Variants in ATP2A2 observed in about 807,000 individuals in gnomAD.
The protein encoded by ATP2A2 is sarcoplasmic/endoplasmic reticulum calcium ATPase 2.
In ATP2A2, 14 loss-of-function variants were observed where a neutral mutation model predicts 109.3. That is an observed-to-expected ratio of 0.13 (90% CI 0.08 to 0.20). ATP2A2 has a LOEUF of 0.20. Among genes scored for constraint, ATP2A2 ranks in the 10% least tolerant of loss-of-function variants. The pLI is 1.00. For synonymous variants in ATP2A2, 506 were observed against 490.9 expected (o/e 1.03, Z -0.41); for missense variants, 657 against 1,321.6 (o/e 0.50, Z 7.80).
chr12:110,344,829 C>T (rs1879687623), intron 16 of ATP2A2, 57 bp from the exon 17 acceptor site: 18 of 1,541,470 alleles, frequency 1.2e-5, no homozygotes, highest in Non-Finnish European at 1.6e-5. Context: ...TGCATGGCCT[C>T]GGTGGCAGCG....
chr12:110,297,554 A>G (rs1592804858), intron 5 of ATP2A2, among the ~76,000 whole-genome samples: 1 of 152,186 alleles, frequency 6.6e-6, no homozygotes, highest in Non-Finnish European at 1.5e-5. Context: ...TGAGTCCAGA[A>G]TGCTCCACAG....
chr12:110,335,192 T>C (rs533711046), intron 11 of ATP2A2, among the ~76,000 whole-genome samples: 4 of 152,316 alleles, frequency 2.6e-5, no homozygotes, highest in South Asian at 2.1e-4. Flanking sequence ...ACCACCATAC[T>C]GGACCTGTCC....
chr12:110,295,574 T>G (rs1873880151), intron 4 of ATP2A2, among the ~76,000 whole-genome samples: 1 of 152,216 alleles, frequency 6.6e-6, no homozygotes, highest in African/African-American at 2.4e-5. Flanking sequence ...ATGTCTGATA[T>G]GAGATTGAAA....
At chr12:110,309,462 A>T (rs1437313198) in intron 5 of ATP2A2, among the ~76,000 whole-genome samples, 1 of 152,036 alleles carries the variant, frequency 6.6e-6, no homozygotes, top group African/African-American at 2.4e-5. Flanking sequence ...CCAGCCAGGA[A>T]ACTAAATTTT....
At position 110,348,575 on chromosome 12, in the gene ATP2A2, C is replaced by T; in HGVS notation, c.*2105C>T. ...GAACCTGGAGACCGACTCTTAAAAG[C>T]ACAGTCCGTGGTTGGGTGTGGTGGC... On this transcript the variant is annotated 3_prime_UTR_variant, in exon 20 of 20. Coordinates refer to ENST00000539276, the MANE Select transcript of ATP2A2 (RefSeq NM_170665.4). The T allele has an allele frequency of 1.0e-6, 1 of 985,478 alleles. No individual in the cohort carries two copies. Among genetic ancestry groups the T allele is most frequent in the Non-Finnish European group, 1.2e-6 (1 of 830,046 alleles). The allele number at this position is 985,478 out of a possible 1,614,324, so 61.0% of individuals were successfully genotyped here. A position where few individuals can be genotyped will look rare whatever the true frequency, so the allele number is the denominator to read the frequency against.
Position 110,344,917 on chromosome 12 carries a change from T to C in ATP2A2, c.2553T>C (p.Ala851=). ...CYVGAATVGA[A]AWWFIAADGG... ...TCGGCGCTGCTACCGTGGGTGCTGC[T>C]GCATGGTGGTTCATTGCTGCTGACG... The change falls in exon 17 of 20, where the codon GCT becomes GCC. Residue 851 remains alanine, a synonymous_variant. Coordinates refer to ENST00000539276, the MANE Select transcript of ATP2A2 (RefSeq NM_170665.4). 1 of 1,614,232 alleles carries C rather than the reference T, an allele frequency of 6.2e-7. No homozygotes were observed. Among genetic ancestry groups the C allele is most frequent in the Admixed American group, 1.7e-5 (1 of 60,028 alleles).
intron 5 of ATP2A2, among the ~76,000 whole-genome samples, chr12:110,301,879 T>A (rs894987125): frequency 1.3e-5 from 2 of 152,196 alleles, no homozygotes; most frequent in African/African-American, 4.8e-5. Flanking sequence ...AGTCACCTTT[T>A]TTTGGAAGGT....
intron 6 of ATP2A2, among the ~76,000 whole-genome samples, chr12:110,324,057 C>T (rs2137806090): frequency 6.6e-6 from 1 of 152,230 alleles, no homozygotes; most frequent in African/African-American, 2.4e-5. Context: ...AACATTTTCC[C>T]GTTTTTGTGT....
chr12:110,293,870 ATTTTTTT>A (rs398021049), intron 4 of ATP2A2, among the ~76,000 whole-genome samples: 25 of 73,310 alleles, frequency 3.4e-4, no homozygotes, highest in Admixed American at 2.9e-3. Flanking sequence ...GTGTGTATAT[ATTTTTTT>A]TTTTTTTTTT....
At chr12:110,321,196 C>A (rs1418893624) in intron 5 of ATP2A2, among the ~76,000 whole-genome samples, 1 of 152,080 alleles carries the variant, frequency 6.6e-6, no homozygotes, top group Non-Finnish European at 1.5e-5. Flanking sequence ...CCACTGCACT[C>A]CAGTCTGGGT....
chr12:110,340,896 G>T lies in ATP2A2; in HGVS notation c.1999G>T (p.Asp667Tyr), dbSNP rs779445588. 11 of 1,614,124 alleles carry T rather than the reference G, an allele frequency of 6.8e-6. No individual in the cohort carries two copies. In the South Asian group the frequency reaches 1.2e-4, roughly 18 times the overall value. ...TGAACTCAACCCCTCCGCCCAGCGA[G>T]ACGCCTGCCTGAACGCCCGCTGTTT... Reference protein sequence around the residue: ...FDELNPSAQRDACLNARCFAR... With the variant: ...FDELNPSAQRYACLNARCFAR... Residue 667 changes from aspartate (D) to tyrosine (Y), a missense_variant, in exon 14 of 20, where the codon GAC (aspartate) becomes TAC (tyrosine). Coordinates refer to ENST00000539276, the MANE Select transcript of ATP2A2 (RefSeq NM_170665.4). This position sits in a 1 kb window ranked among gnomAD's most constrained non-coding sequence, Gnocchi z 6.0.
upstream of ATP2A2, chr12:110,280,737 AT>A (rs1457899364): frequency 6.6e-6 from 1 of 152,248 alleles, no homozygotes; most frequent in Non-Finnish European, 1.5e-5. Flanking sequence ...GAACTGCGGA[AT>A]TCCTCCCCTT....
Position 110,281,468 on chromosome 12 carries a change from A to C in ATP2A2, c.-322A>C. On this transcript the variant is annotated 5_prime_UTR_variant, in exon 1 of 20. Coordinates refer to ENST00000539276, the MANE Select transcript of ATP2A2 (RefSeq NM_170665.4). ...CTCTGATCGCCTCAAGAGAGCGGGG[A>C]GGGGGCTCGGGGGCCGCGGCCTGCC... 2 of 158,270 alleles carry C rather than the reference A, an allele frequency of 1.3e-5. No individual in the cohort carries two copies. Among genetic ancestry groups the C allele is most frequent in the African/African-American group, 2.5e-5 (1 of 40,036 alleles). 9.8% of individuals were successfully genotyped at this position (158,270 alleles called of 1,614,324 possible).
intron 5 of ATP2A2, among the ~76,000 whole-genome samples, chr12:110,320,262 T>C (rs1877098343): frequency 6.6e-6 from 1 of 152,188 alleles, no homozygotes; most frequent in African/African-American, 2.4e-5. Context: ...GAGTATGAGC[T>C]AGGGTTTATA....
Position 110,340,458 on chromosome 12 carries a change from A to C in ATP2A2, c.1762-201A>C, listed in dbSNP as rs1879235758. Among the ~76,000 whole-genome samples, 1 of 151,820 alleles carries C rather than the reference A, an allele frequency of 6.6e-6. No homozygotes were observed. Among genetic ancestry groups the C allele is most frequent in the Non-Finnish European group, 1.5e-5 (1 of 67,950 alleles). ...GAGGCTGAGGCAGAAGAGTCTCTTG[A>C]ACCTGGGAGGCGGAGGTCGCAGTGA... On this transcript the variant is annotated intron_variant, in intron 13 of 19. Transcript: ENST00000539276. The surrounding 1 kb of genome is among the most constrained non-coding windows in gnomAD (Gnocchi z 6.0).
At position 110,348,151 on chromosome 12, in the gene ATP2A2, C is replaced by T; in HGVS notation, c.*1681C>T. ...GGTTCGCAGCTGCCAGGAGTCATCC[C>T]AGAACATTGCTACTTATTTATTAAA... On this transcript the variant is annotated 3_prime_UTR_variant, in exon 20 of 20. Transcript: ENST00000539276. 1 of 985,468 alleles carries T rather than the reference C, an allele frequency of 1.0e-6. No individual in the cohort carries two copies. The highest frequency in any genetic ancestry group is 5.2e-4 in the Middle Eastern group (1 of 1,914). The allele number at this position is 985,468 out of a possible 1,614,324, so 61.0% of individuals were successfully genotyped here.
intron 8 of ATP2A2, among the ~76,000 whole-genome samples, chr12:110,328,291 C>T (rs1354102437): frequency 1.3e-5 from 2 of 151,282 alleles, no homozygotes; most frequent in South Asian, 2.1e-4. Flanking sequence ...AAAAAAAAGC[C>T]TGGGCGCAGT....
rs762075456 is a variant in ATP2A2 at position 110,343,428 on chromosome 12, A to G, written c.2515A>G (p.Ile839Val). ...SGWLFFRYLA[I>V]GCYVGAATVG... is the part of the protein sequence containing the mutation. ...GTGGCTCTTTTTCCGTTACTTGGCT[A>G]TTGGCTGTGAGTACAATTTTTTTAT... Residue 839 changes from isoleucine (I) to valine (V), a missense_variant, in exon 16 of 20, where the codon ATT becomes GTT. Around this residue, in one of 9 missense-constraint regions of ATP2A2, gnomAD observed 125 missense variants for 243.5 expected, o/e 0.51. Transcript: ENST00000539276. 3.1e-6 allele frequency: 5 copies of G among 1,614,000 alleles called. No individual in the cohort carries two copies. Among genetic ancestry groups the G allele is most frequent in the Admixed American group, 1.7e-5 (1 of 60,006 alleles).
chr12:110,293,870 A>ATTTTTTTTTT, intron 4 of ATP2A2, among the ~76,000 whole-genome samples: 1 of 73,342 alleles, frequency 1.4e-5, no homozygotes, highest in African/African-American at 6.2e-5. Context: ...GTGTGTATAT[A>ATTTTTTTTTT]TTTTTTTTTT....
Sources: allele counts gnomAD v4.1 joint callset (sites outside exome capture counted in the v4.1 genomes callset), GRCh38; gene constraint gnomAD v4.1.1; regional missense constraint gnomAD v4.1.1; non-coding constraint Gnocchi (gnomAD v3.1); transcripts MANE v1.5; gene names NCBI Gene and HGNC (gene_info 2026-07-23, HGNC 2026-07-21).